The following HLCS variants were observed in gnomAD, a reference collection of about 807,000 sequenced individuals.
HLCS encodes biotin--protein ligase.
A neutral mutation model predicts 75.0 loss-of-function variants in HLCS; 53 were observed. That is an observed-to-expected ratio of 0.71 (90% CI 0.57 to 0.89). HLCS has a LOEUF of 0.89. Ranked by LOEUF, HLCS falls within the 40% of genes least tolerant of loss-of-function variation. HLCS has a pLI of 0.00. For synonymous variants in HLCS, 431 were observed against 428.6 expected (o/e 1.01, Z -0.07); for missense variants, 966 against 1,074.0 (o/e 0.90, Z 1.41).
In HLCS at chr21:36,777,475, A is replaced by G. The variant is rs190447894; in HGVS notation, c.1893-10190T>C. 6.2e-4 allele frequency among the ~76,000 whole-genome samples: 94 copies of G among 152,392 alleles called. 1 individual carries two copies. The highest frequency in any genetic ancestry group is 2.2e-3 in the African/African-American group (90 of 41,596). Reference sequence around the variant, plus strand: ...ACCCCAGATCTCATCTATAGAGTGTATTCAAATTGTGTCCATTGTCCTAGT... The same window carrying G: ...ACCCCAGATCTCATCTATAGAGTGTGTTCAAATTGTGTCCATTGTCCTAGT... On this transcript the variant is annotated intron_variant, in intron 6 of 10. Transcript: ENST00000674895.
intron 6 of HLCS, among the ~76,000 whole-genome samples, chr21:36,877,343 T>G (rs1009894325): frequency 1.3e-5 from 2 of 152,178 alleles, no homozygotes; most frequent in African/African-American, 4.8e-5. Context: ...TTTCCTGACT[T>G]CTTTTAGATT....
At chr21:36,805,314 T>C (rs925832792) in intron 6 of HLCS, among the ~76,000 whole-genome samples, 1 of 152,200 alleles carries the variant, frequency 6.6e-6, no homozygotes, top group African/African-American at 2.4e-5. Flanking sequence ...AGGTATCCCC[T>C]GGAAGTGGGT....
chr21:36,873,801 A>C (rs535784328), intron 6 of HLCS, among the ~76,000 whole-genome samples: 13 of 152,250 alleles, frequency 8.5e-5, no homozygotes, highest in African/African-American at 3.1e-4. Context: ...GAGTTTCACT[A>C]TGTTGCCCAG....
At chr21:36,848,206 T>C (rs939564250) in intron 6 of HLCS, among the ~76,000 whole-genome samples, 7 of 152,016 alleles carry the variant, frequency 4.6e-5, no homozygotes, top group East Asian at 1.9e-4. Context: ...GCCAGAAAAA[T>C]TGTGTTAATT....
intron 6 of HLCS, among the ~76,000 whole-genome samples, chr21:36,852,414 AC>A (rs2063043076): frequency 1.3e-5 from 2 of 152,260 alleles, no homozygotes; most frequent in Admixed American, 1.3e-4. Context: ...AGAGGACCAT[AC>A]CCAGCTTCCC....
intron 5 of HLCS, among the ~76,000 whole-genome samples, chr21:36,927,308 C>T (rs577970795): frequency 2.0e-5 from 3 of 152,324 alleles, no homozygotes; most frequent in South Asian, 2.1e-4. Context: ...GGGAATCACA[C>T]GCTACCATGG....
intron 3 of HLCS, among the ~76,000 whole-genome samples, chr21:36,938,557 T>C (rs943811626): frequency 6.6e-6 from 1 of 152,232 alleles, no homozygotes; most frequent in Non-Finnish European, 1.5e-5. Flanking sequence ...GGGAATGCAG[T>C]GGCGTGATCA....
At chr21:36,857,771 G>A (rs1040998542) in intron 6 of HLCS, among the ~76,000 whole-genome samples, 2 of 151,996 alleles carry the variant, frequency 1.3e-5, no homozygotes, top group Admixed American at 1.3e-4. Context: ...TTTAATTTAG[G>A]ATCTTGGTTT....
intron 1 of HLCS, among the ~76,000 whole-genome samples, chr21:36,965,160 T>TTTCA (rs1401288772): frequency 6.6e-5 from 10 of 152,156 alleles, no homozygotes; most frequent in African/African-American, 2.4e-4. Context: ...TTTCAACCCA[T>TTTCA]ATCTAAGCAC....
chr21:36,955,942 A>G (rs1173417992), intron 2 of HLCS, among the ~76,000 whole-genome samples: 1 of 152,224 alleles, frequency 6.6e-6, no homozygotes, highest in African/African-American at 2.4e-5. Context: ...CAATGCAGTA[A>G]CATGCTGTAC....
chr21:36,910,110 C>G (rs1378117670), intron 5 of HLCS, among the ~76,000 whole-genome samples: 1 of 152,204 alleles, frequency 6.6e-6, no homozygotes, highest in South Asian at 2.1e-4. Context: ...TTTGTCTACT[C>G]GTATGGAATT....
chr21:36,961,956 G>GGAAAAAA (rs542740992), intron 2 of HLCS, 80 bp downstream of exon 2: 9 of 672,084 alleles, frequency 1.3e-5, no homozygotes, highest in South Asian at 9.4e-5. Flanking sequence ...TCTGTCTCAG[G>GGAAAAAA]AAAAAAAAAA....
chr21:36,880,689 A>T (rs189947115), intron 6 of HLCS, among the ~76,000 whole-genome samples: 156 of 152,192 alleles, frequency 1.0e-3, no homozygotes, highest in African/African-American at 3.4e-3. Flanking sequence ...AGCATATCAG[A>T]CCCCACACTC....
intron 1 of HLCS, among the ~76,000 whole-genome samples, chr21:36,964,237 G>C (rs1211783920): frequency 6.6e-6 from 1 of 152,196 alleles, no homozygotes; most frequent in African/African-American, 2.4e-5. Flanking sequence ...ATATGGGCAT[G>C]AGATTCAGGT....
intron 5 of HLCS, among the ~76,000 whole-genome samples, chr21:36,907,057 C>T (rs980448102): frequency 1.3e-5 from 2 of 152,000 alleles, no homozygotes; most frequent in African/African-American, 2.4e-5. Flanking sequence ...GACAACAGTG[C>T]CCAAGATAAC....
At position 36,754,232 on chromosome 21, in the gene HLCS, G is replaced by A. The variant is rs778616712; in HGVS notation, c.*14C>T. 2.4e-5 allele frequency: 38 copies of A among 1,613,154 alleles called. No individual in the cohort carries two copies. In the East Asian group the frequency reaches 6.5e-4, roughly 27 times the overall value. ...GGGCACGGACAGGCAGCCGCGTCTC[G>A]GGGACGCCCGGCATTACCGCCGTTT... On this transcript the variant is annotated 3_prime_UTR_variant, in exon 11 of 11. Coordinates refer to ENST00000674895, the MANE Select transcript of HLCS (RefSeq NM_001352514.2).
At chr21:36,886,616 A>T (rs570917258) in intron 6 of HLCS, among the ~76,000 whole-genome samples, 2 of 152,172 alleles carry the variant, frequency 1.3e-5, no homozygotes, top group East Asian at 3.9e-4. Flanking sequence ...TCCAATAGTA[A>T]AATGATACTC....
At chr21:36,968,059 G>A (rs1308687745), upstream of HLCS, among the ~76,000 whole-genome samples, 1 of 149,246 alleles carries the variant, frequency 6.7e-6, no homozygotes. Flanking sequence ...TCGTTCTGTC[G>A]CCCAGGCTGG....
intron 6 of HLCS, among the ~76,000 whole-genome samples, chr21:36,770,500 G>C (rs1427673514): frequency 6.6e-6 from 1 of 152,004 alleles, no homozygotes; most frequent in Non-Finnish European, 1.5e-5. Context: ...AGGGCAGGAA[G>C]GAGATTAGAC....
Sources: allele counts gnomAD v4.1 joint callset (sites outside exome capture counted in the v4.1 genomes callset), GRCh38; gene constraint gnomAD v4.1.1; transcripts MANE v1.5; gene names NCBI Gene and HGNC (gene_info 2026-07-23, HGNC 2026-07-21).